The following XKR4 variants were observed in gnomAD, a reference collection of about 807,000 sequenced individuals.
The protein encoded by XKR4 is XK-related protein 4.
A neutral mutation model predicts 53.9 loss-of-function variants in XKR4; 12 were observed. That is an observed-to-expected ratio of 0.22 (90% CI 0.14 to 0.36). XKR4 has a LOEUF of 0.36. Ranked by LOEUF, XKR4 falls within the 10% of genes least tolerant of loss-of-function variation. XKR4 has a pLI of 1.00. For missense variants in XKR4, 799 were observed against 859.5 expected (o/e 0.93, Z 0.88); for synonymous variants, 354 against 362.4 (o/e 0.98, Z 0.26).
chr8:55,507,337 T>TA (rs1197022176), intron 2 of XKR4, among the ~76,000 whole-genome samples: 2 of 151,770 alleles, frequency 1.3e-5, no homozygotes, highest in Non-Finnish European at 2.9e-5. Flanking sequence ...TTTCTTTTTT[T>TA]TTATTATTAC....
At chr8:55,433,919 C>T (rs2129393864) in intron 2 of XKR4, among the ~76,000 whole-genome samples, 1 of 152,244 alleles carries the variant, frequency 6.6e-6, no homozygotes, top group South Asian at 2.1e-4. Context: ...GTAGTCCGAG[C>T]TACTCAGGAG....
chr8:55,405,817 CA>C (rs1362226165), intron 2 of XKR4, among the ~76,000 whole-genome samples: 1 of 152,166 alleles, frequency 6.6e-6, no homozygotes, highest in Non-Finnish European at 1.5e-5. Context: ...GCTGCCACTT[CA>C]GTGTTCAGAG....
rs537236805 is a variant in XKR4 at position 55,436,565 on chromosome 8, A to G, written c.1006+78688A>G. On this transcript the variant is annotated intron_variant, in intron 2 of 2. Transcript: ENST00000327381. ...AAAAACATTTGGACTTCCTTGGGCC[A>G]TGCTTTTTCTTATAACTCAAAGAGG... Among the ~76,000 whole-genome samples, 3 of 152,314 alleles carry G rather than the reference A, an allele frequency of 2.0e-5. No individual in the cohort carries two copies. In the East Asian group the frequency reaches 5.8e-4, roughly 29 times the overall value.
chr8:55,282,864 A>C (rs1229364445), intron 1 of XKR4, among the ~76,000 whole-genome samples: 2 of 152,244 alleles, frequency 1.3e-5, no homozygotes, highest in African/African-American at 4.8e-5. Flanking sequence ...CCAGTCCTTC[A>C]AGTTCCATTC....
At chr8:55,409,815 A>G (rs1804748951) in intron 2 of XKR4, among the ~76,000 whole-genome samples, 2 of 152,214 alleles carry the variant, frequency 1.3e-5, no homozygotes, top group South Asian at 4.1e-4. Context: ...CTTCTGTTGA[A>G]TTCCAACAGA....
At position 55,273,368 on chromosome 8, in the gene XKR4, A is replaced by G. The variant is rs530396682; in HGVS notation, c.807-84310A>G. Among the ~76,000 whole-genome samples the G allele has an allele frequency of 4.6e-5, 7 of 152,272 alleles. No homozygotes were observed. In the East Asian group the frequency reaches 1.3e-3, roughly 29 times the overall value. On this transcript the variant is annotated intron_variant, in intron 1 of 2. Transcript: ENST00000327381. ...AGGCGTAGGCTGAACTAACTTTGGGAGAAGTTTAGTTTATAGTTTAAACAA... is the reference window on the plus strand; with the variant it reads ...AGGCGTAGGCTGAACTAACTTTGGGGGAAGTTTAGTTTATAGTTTAAACAA...
At chr8:55,354,738 A>T (rs1803774105) in intron 1 of XKR4, among the ~76,000 whole-genome samples, 1 of 152,076 alleles carries the variant, frequency 6.6e-6, no homozygotes, top group Non-Finnish European at 1.5e-5. Context: ...CACAAAATGG[A>T]TAAAAATCAT....
Position 55,450,395 on chromosome 8 carries a change from T to G in XKR4, c.1007-72886T>G, listed in dbSNP as rs1343316877. ...ACCTCTGTGTCCTCGGGTGCATTCA[T>G]GTAGTTGTGGAACATGGCTGTCCTC... On this transcript the variant is annotated intron_variant, in intron 2 of 2. Transcript: ENST00000327381. 1.0e-5 allele frequency: 6 copies of G among 598,882 alleles called. No individual in the cohort carries two copies. In the African/African-American group the frequency reaches 1.1e-4, roughly 11 times the overall value. The allele number at this position is 598,882 out of a possible 1,614,324, so 37.1% of individuals were successfully genotyped here.
intron 1 of XKR4, among the ~76,000 whole-genome samples, chr8:55,212,367 G>T (rs1028534802): frequency 1.3e-5 from 2 of 152,134 alleles, no homozygotes; most frequent in Admixed American, 1.3e-4. Context: ...GTAGGTCAAA[G>T]AAATACATTT....
chr8:55,117,048 A>T (rs1433293482), intron 1 of XKR4, among the ~76,000 whole-genome samples: 1 of 152,242 alleles, frequency 6.6e-6, no homozygotes, highest in Non-Finnish European at 1.5e-5. Flanking sequence ...CGTTGAACCA[A>T]TAATGTTTTG....
At chr8:55,202,620 G>C (rs1817590274) in intron 1 of XKR4, among the ~76,000 whole-genome samples, 1 of 152,198 alleles carries the variant, frequency 6.6e-6, no homozygotes, top group South Asian at 2.1e-4. Flanking sequence ...TGAAGGTCTG[G>C]GGTTTGCTGG....
chr8:55,111,312 A>G (rs1405242234), intron 1 of XKR4, among the ~76,000 whole-genome samples: 1 of 152,120 alleles, frequency 6.6e-6, no homozygotes, highest in Non-Finnish European at 1.5e-5. Flanking sequence ...ATAATATCCT[A>G]GGTTCTTTCC....
intron 1 of XKR4, among the ~76,000 whole-genome samples, chr8:55,193,256 G>C (rs1817466842): frequency 1.3e-5 from 2 of 151,974 alleles, no homozygotes; most frequent in African/African-American, 2.4e-5. Context: ...TTGATCAGTA[G>C]ATGTTTTTTC....
At chr8:55,414,057 A>T (rs756783560) in intron 2 of XKR4, among the ~76,000 whole-genome samples, 6 of 152,230 alleles carry the variant, frequency 3.9e-5, no homozygotes, top group Non-Finnish European at 7.3e-5. Flanking sequence ...TTCCTTCATC[A>T]TAAAGAAATA....
At chr8:55,299,129 T>C (rs1262302971) in intron 1 of XKR4, among the ~76,000 whole-genome samples, 1 of 152,202 alleles carries the variant, frequency 6.6e-6, no homozygotes, top group Non-Finnish European at 1.5e-5. Flanking sequence ...GGAATAGGTT[T>C]ATTTCTCTTT....
rs183070006 is a variant in XKR4, at chr8:55,523,996, A to G, written c.1722A>G (p.Gln574=). The G allele has an allele frequency of 3.5e-5, 56 of 1,614,122 alleles. No homozygotes were observed. Among genetic ancestry groups the G allele is most frequent in the Non-Finnish European group, 5.1e-6 (6 of 1,180,024 alleles). The change falls in exon 3 of 3, where the codon CAA becomes CAG. Residue 574 remains glutamine (Q), a synonymous_variant. Transcript: ENST00000327381. ...AERDGCVPVF[Q]VRPTAPSTPS... ...GGGATGGGTGTGTACCTGTCTTTCAAGTGAGGCCCACTGCCCCATCCACCC... is the reference window on the plus strand; with the variant it reads ...GGGATGGGTGTGTACCTGTCTTTCAGGTGAGGCCCACTGCCCCATCCACCC...
chr8:55,386,286 C>A (rs1804313935), intron 2 of XKR4, among the ~76,000 whole-genome samples: 1 of 152,220 alleles, frequency 6.6e-6, no homozygotes, highest in Non-Finnish European at 1.5e-5. Flanking sequence ...GAGTCCACTG[C>A]ATGCATGATA....
chr8:55,145,910 C>T (rs1175331936), intron 1 of XKR4, among the ~76,000 whole-genome samples: 4 of 152,152 alleles, frequency 2.6e-5, no homozygotes, highest in African/African-American at 9.7e-5. Flanking sequence ...ACAGATCTAT[C>T]TGTGAAGTAA....
At chr8:55,520,939 T>C (rs1806788179) in intron 2 of XKR4, 1 of 152,278 alleles carries the variant, frequency 6.6e-6, no homozygotes, top group Non-Finnish European at 1.5e-5. Context: ...TCTTACTATT[T>C]TTTCACTGCT....
Sources: allele counts gnomAD v4.1 joint callset (sites outside exome capture counted in the v4.1 genomes callset), GRCh38; gene constraint gnomAD v4.1.1; transcripts MANE v1.5; gene names NCBI Gene and HGNC (gene_info 2026-07-23, HGNC 2026-07-21).